The following ABCG1 variants were observed in gnomAD, a reference collection of about 807,000 sequenced individuals.
ABCG1 encodes ATP binding cassette subfamily G member 1, also known as ATP-binding cassette sub-family G member 1.
A neutral mutation model predicts 69.2 loss-of-function variants in ABCG1; 29 were observed. That is an observed-to-expected ratio of 0.42 (90% confidence interval 0.31 to 0.57). The LOEUF is 0.57. Among genes scored for constraint, ABCG1 ranks in the 20% least tolerant of loss-of-function variants. The pLI is 0.15. For synonymous variants in ABCG1, 370 were observed against 374.8 expected (o/e 0.99, Z 0.15); for missense variants, 718 against 898.1 (o/e 0.80, Z 2.56).
intron 6 of ABCG1, among the ~76,000 whole-genome samples, chr21:42,283,240 C>T (rs1438788320): frequency 1.3e-5 from 2 of 152,190 alleles, no homozygotes; most frequent in Admixed American, 1.3e-4. Flanking sequence ...TCACTTGTTT[C>T]CTTCTCTTGG....
rs550086194 is a variant in ABCG1 at position 42,210,207 on chromosome 21, G to A, written c.48+8484G>A. ...GCGAGAACTCTGATGGCCCTGCTGG[G>A]TTGTGTATCTTTTCCAGAACATCAG... On this transcript the variant is annotated intron_variant, in intron 2 of 15. Transcript: ENST00000398457. Among the ~76,000 whole-genome samples, 9 of 152,312 alleles carry A rather than the reference G, an allele frequency of 5.9e-5. No individual in the cohort carries two copies. The South Asian group carries it at 1.9e-3, about 32-fold the overall frequency.
At chr21:42,242,902 G>T (rs961660485) in intron 2 of ABCG1, among the ~76,000 whole-genome samples, 7 of 152,152 alleles carry the variant, frequency 4.6e-5, no homozygotes, top group Non-Finnish European at 4.4e-5. Flanking sequence ...GAGTGAGCAG[G>T]TTTGGGGCAG....
chr21:42,204,840 A>T (rs192422063), intron 2 of ABCG1, among the ~76,000 whole-genome samples: 1 of 152,170 alleles, frequency 6.6e-6, no homozygotes, highest in South Asian at 2.1e-4. Context: ...TAAAAATATT[A>T]TATTTGTCTG....
chr21:42,272,054 C>T (rs915965122), intron 3 of ABCG1, among the ~76,000 whole-genome samples: 8 of 152,328 alleles, frequency 5.3e-5, no homozygotes, highest in African/African-American at 1.9e-4. Flanking sequence ...GTTTTATTTA[C>T]TAACTTTGGC....
chr21:42,244,519 A>G (rs1367980369), intron 2 of ABCG1, among the ~76,000 whole-genome samples: 1 of 152,226 alleles, frequency 6.6e-6, no homozygotes, highest in Non-Finnish European at 1.5e-5. Flanking sequence ...TGCATTTCCT[A>G]AAGTCTAATT....
At chr21:42,229,220 G>A (rs549028106) in intron 2 of ABCG1, among the ~76,000 whole-genome samples, 17 of 152,208 alleles carry the variant, frequency 1.1e-4, no homozygotes, top group Non-Finnish European at 2.2e-4. Flanking sequence ...ATCTCTGTGC[G>A]ACTCCAAGTG....
upstream of ABCG1, chr21:42,216,167 G>C (rs1187338014): frequency 4.4e-6 from 2 of 451,024 alleles, no homozygotes; most frequent in South Asian, 3.1e-5. Flanking sequence ...TGATCATGAG[G>C]CTTCCCCAGC....
rs1044837489 is a variant in ABCG1, at chr21:42,273,225, G to A, written c.405-78G>A. ...TGCTGGGAGGCAAGCCCCCGTCTCT[G>A]GCTCCCCTCTCCTGCCCCGGGAGGT... is the stretch of plus-strand genomic sequence containing the variant. On this transcript the variant is annotated intron_variant, in intron 3 of 14. Coordinates refer to ENST00000398449, the MANE Select transcript of ABCG1 (RefSeq NM_016818.3). The surrounding 1 kb of genome is among the most constrained non-coding windows in gnomAD (Gnocchi z 5.3). 6.5e-7 allele frequency: 1 copy of A among 1,531,596 alleles called. No individual in the cohort carries two copies. The highest frequency in any genetic ancestry group is 1.9e-5 in the Admixed American group (1 of 51,568). The allele number at this position is 1,531,596 out of a possible 1,614,324, so 94.9% of individuals were successfully genotyped here.
intron 2 of ABCG1, among the ~76,000 whole-genome samples, chr21:42,240,371 G>A (rs2068033632): frequency 6.6e-6 from 1 of 152,244 alleles, no homozygotes; most frequent in Non-Finnish European, 1.5e-5. Flanking sequence ...GCCAGTGACT[G>A]CCTAGGGCCA....
At chr21:42,223,348 G>T (rs571036209) in intron 1 of ABCG1, among the ~76,000 whole-genome samples, 1 of 152,102 alleles carries the variant, frequency 6.6e-6, no homozygotes, top group Non-Finnish European at 1.5e-5. Flanking sequence ...CCATCTCAGG[G>T]TCTGTGTTGC....
chr21:42,275,846 C>A (rs1192776433), intron 4 of ABCG1, among the ~76,000 whole-genome samples: 3 of 152,252 alleles, frequency 2.0e-5, no homozygotes, highest in Non-Finnish European at 4.4e-5. Context: ...GTTGCGGAGT[C>A]CGGATCCCAC....
intron 2 of ABCG1, among the ~76,000 whole-genome samples, chr21:42,245,311 A>G (rs1483585690): frequency 6.6e-6 from 1 of 152,216 alleles, no homozygotes; most frequent in Non-Finnish European, 1.5e-5. Flanking sequence ...CTTACAAGGA[A>G]CCTGTTGGGT....
intron 2 of ABCG1, among the ~76,000 whole-genome samples, chr21:42,249,623 C>T (rs1413557740): frequency 6.6e-6 from 1 of 152,184 alleles, no homozygotes; most frequent in Non-Finnish European, 1.5e-5. Context: ...ATATAAGCAT[C>T]AGCTATTGCC....
intron 2 of ABCG1, among the ~76,000 whole-genome samples, chr21:42,249,678 A>C (rs1363193898): frequency 6.6e-6 from 1 of 152,152 alleles, no homozygotes; most frequent in Non-Finnish European, 1.5e-5. Context: ...GTTTGAAATC[A>C]AAAAAGTAAA....
At chr21:42,231,730 A>G (rs887572224) in intron 2 of ABCG1, among the ~76,000 whole-genome samples, 3 of 152,118 alleles carry the variant, frequency 2.0e-5, no homozygotes, top group African/African-American at 4.8e-5. Context: ...TCCTGTGGCT[A>G]GGGGTTTTGA....
intron 2 of ABCG1, among the ~76,000 whole-genome samples, chr21:42,233,766 G>T (rs2067935084): frequency 6.6e-6 from 1 of 152,272 alleles, no homozygotes; most frequent in Admixed American, 6.5e-5. Flanking sequence ...GCAGGGTGCA[G>T]GTCAGTGGGC....
At position 42,219,393 on chromosome 21, in the gene ABCG1, AC is replaced by A; in HGVS notation, c.42+93del. ...CAAAGACTCGCAAGCTCGACCTGAC[AC>A]CCCTCCCAGGAGCGCGTCCTCTGGG... On this transcript the variant is annotated intron_variant, in intron 1 of 14. Coordinates refer to ENST00000398449, the MANE Select transcript of ABCG1 (RefSeq NM_016818.3). This position sits in a 1 kb window ranked among gnomAD's most constrained non-coding sequence, Gnocchi z 5.3. 1.3e-6 allele frequency: 2 copies of A among 1,520,544 alleles called. No individual in the cohort carries two copies. The highest frequency in any genetic ancestry group is 8.8e-7 in the Non-Finnish European group (1 of 1,135,366). The allele number at this position is 1,520,544 out of a possible 1,614,324, so 94.2% of individuals were successfully genotyped here.
Position 42,291,534 on chromosome 21 carries a change from T to A in ABCG1, c.1531T>A (p.Trp511Arg), listed in dbSNP as rs751411076. The part of the protein sequence containing the change: ...FPVAYCSIVY[W>R]MTSQPSDAVR... The stretch of plus-strand genomic sequence containing the variant: ...AGTGGCCTACTGCAGCATCGTGTAC[T>A]GGATGACGTCGCAGCCGTCCGACGC... Residue 511 changes from tryptophan (W) to arginine (R), a missense_variant, in exon 13 of 15, where the codon TGG (tryptophan) becomes AGG (arginine). Physicochemically the swap from Trp to Arg is moderately radical, Grantham distance 101 (BLOSUM62 -3). Transcript: ENST00000398449. This position sits in a 1 kb window ranked among gnomAD's most constrained non-coding sequence, Gnocchi z 6.4. The A allele has an allele frequency of 6.2e-7, 1 of 1,613,774 alleles. No homozygotes were observed. The highest frequency in any genetic ancestry group is 1.7e-5 in the Admixed American group (1 of 60,004).
At position 42,290,067 on chromosome 21, in the gene ABCG1, C is replaced by T. The variant is rs1238231524; in HGVS notation, c.1242C>T (p.Arg414=). The change falls in exon 11 of 15, where the codon CGC becomes CGT. Residue 414 remains arginine (R), a synonymous_variant. Coordinates refer to ENST00000398449, the MANE Select transcript of ABCG1 (RefSeq NM_016818.3). ...GTCCCCAGGTCCTGACACACCTGCG[C>T]ATCACCTCGCACATTGGGATCGGCC... The part of the protein sequence containing the change: ...IMRDSVLTHL[R]ITSHIGIGLL... 1 of 1,614,238 alleles carries T rather than the reference C, an allele frequency of 6.2e-7. No homozygotes were observed. Among genetic ancestry groups the T allele is most frequent in the South Asian group, 1.1e-5 (1 of 91,086 alleles).
Sources: allele counts gnomAD v4.1 joint callset (sites outside exome capture counted in the v4.1 genomes callset), GRCh38; gene constraint gnomAD v4.1.1; non-coding constraint Gnocchi (gnomAD v3.1); transcripts MANE v1.5; gene names NCBI Gene and HGNC (gene_info 2026-07-23, HGNC 2026-07-21).